Variants in SLCO2A1 observed in about 807,000 individuals in gnomAD.
The protein encoded by SLCO2A1 is solute carrier organic anion transporter family member 2A1, also known as matrin F/G 1.
In SLCO2A1, 60 loss-of-function variants were observed where a neutral mutation model predicts 71.7. The ratio of observed to expected loss-of-function variants is 0.84; its 90% CI spans 0.68 to 1.04. The LOEUF is 1.04. Among genes scored for constraint, SLCO2A1 ranks in the 50% least tolerant of loss-of-function variants. SLCO2A1 has a pLI of 0.00. For synonymous variants in SLCO2A1, 308 were observed against 326.7 expected, an observed-to-expected ratio of 0.94 and a Z score of 0.62; for missense variants, 745 against 813.4, an observed-to-expected ratio of 0.92 and a Z score of 1.02.
chr3:133,980,049 A>G (rs1934552314), intron 1 of SLCO2A1, among the ~76,000 whole-genome samples: 1 of 152,156 alleles, frequency 6.6e-6, no homozygotes, highest in Non-Finnish European at 1.5e-5. Context: ...CATCCAATTC[A>G]GACCACTCTT....
At chr3:134,022,768 G>A (rs1200628318) in intron 1 of SLCO2A1, among the ~76,000 whole-genome samples, 1 of 152,174 alleles carries the variant, frequency 6.6e-6, no homozygotes, top group Non-Finnish European at 1.5e-5. Flanking sequence ...GAGAAGCACT[G>A]TTAAATGCAA....
At chr3:133,948,166 T>C (rs985893447) in intron 8 of SLCO2A1, among the ~76,000 whole-genome samples, 2 of 152,152 alleles carry the variant, frequency 1.3e-5, no homozygotes, top group African/African-American at 4.8e-5. Context: ...CTCAGGTCCC[T>C]AGGGAAGAAG....
chr3:134,006,588 G>T lies in SLCO2A1; in HGVS notation c.96+23119C>A, dbSNP rs901473338. On this transcript the variant is annotated intron_variant, in intron 1 of 13. Transcript: ENST00000310926. ...ATCATACAGTATTTTGTCGTTCTGT[G>T]ACTGGCTTATTTCATTTAGAGTAAT... 1.3e-4 allele frequency among the ~76,000 whole-genome samples: 20 copies of T among 152,118 alleles called. 1 individual carries two copies. Among genetic ancestry groups the T allele is most frequent in the African/African-American group, 4.8e-4 (20 of 41,406 alleles).
At position 133,953,680 on chromosome 3, in the gene SLCO2A1, T is replaced by C. The variant is rs1432053819; in HGVS notation, c.707A>G (p.Tyr236Cys). Residue 236 changes from tyrosine to cysteine, a missense_variant, in exon 5 of 14, where the codon TAT (tyrosine) becomes TGT (cysteine). Coordinates refer to ENST00000310926, the MANE Select transcript of SLCO2A1 (RefSeq NM_005630.3). ...ATACTCACCTGTGTTGACCCTGCCATAGTCCACAAAGATCTGCAGCATGAC... is the reference window on the plus strand; with the variant it reads ...ATACTCACCTGTGTTGACCCTGCCACAGTCCACAAAGATCTGCAGCATGAC... ...GSVMLQIFVDYGRVNTAAVNL... is the reference protein window; with the variant it reads ...GSVMLQIFVDCGRVNTAAVNL... The C allele has an allele frequency of 1.2e-6, 2 of 1,614,054 alleles. No individual in the cohort carries two copies. The highest frequency in any genetic ancestry group is 2.2e-5 in the East Asian group (1 of 44,866).
intron 1 of SLCO2A1, among the ~76,000 whole-genome samples, chr3:134,006,154 T>TCAAG (rs1935210314): frequency 6.6e-6 from 1 of 152,158 alleles, no homozygotes; most frequent in Admixed American, 6.6e-5. Context: ...CCTCCGAGGC[T>TCAAG]CAAGCAATCC....
intron 3 of SLCO2A1, among the ~76,000 whole-genome samples, chr3:133,967,399 T>C (rs566808747): frequency 6.6e-6 from 1 of 152,328 alleles, no homozygotes; most frequent in African/African-American, 2.4e-5. Flanking sequence ...ACCATCACCA[T>C]GGAGCGCAGA....
chr3:134,021,475 T>C (rs1433330794), intron 1 of SLCO2A1, among the ~76,000 whole-genome samples: 1 of 151,994 alleles, frequency 6.6e-6, no homozygotes, highest in African/African-American at 2.4e-5. Context: ...ACATAGACAC[T>C]TGGTTACAGC....
At chr3:133,953,596 G>A (rs772353343) in intron 5 of SLCO2A1, 67 bp downstream of exon 5, 246 of 1,247,932 alleles carry the variant, frequency 2.0e-4, no homozygotes, top group Non-Finnish European at 2.6e-4. Context: ...GTTCTGATTG[G>A]ATGAGGGGGC....
intron 3 of SLCO2A1, among the ~76,000 whole-genome samples, chr3:133,956,269 A>G (rs1933895812): frequency 6.6e-6 from 1 of 151,970 alleles, no homozygotes; most frequent in African/African-American, 2.4e-5. Context: ...TGCTCCTCAC[A>G]CTGGACTCTG....
chr3:133,947,466 G>GTGAT lies in SLCO2A1; in HGVS notation c.1106-25_1106-22dup, dbSNP rs1440472284. ...AGCACCTATAAGTGGAAAGAAGGAG[G>GTGAT]TGATCCAGGTGCACAGGCCTGGGAC... On this transcript the variant is annotated intron_variant, in intron 8 of 13. Coordinates refer to ENST00000310926, the MANE Select transcript of SLCO2A1 (RefSeq NM_005630.3). 4 of 1,571,726 alleles carry GTGAT rather than the reference G, an allele frequency of 2.5e-6. No individual in the cohort carries two copies. In the Admixed American group the frequency reaches 6.9e-5, roughly 27 times the overall value.
intron 1 of SLCO2A1, among the ~76,000 whole-genome samples, chr3:134,008,359 G>T (rs1198894731): frequency 6.6e-6 from 1 of 152,134 alleles, no homozygotes; most frequent in African/African-American, 2.4e-5. Flanking sequence ...TTGATGACAG[G>T]AGGTCAATAA....
rs2075697 is a variant in SLCO2A1 at position 133,933,504 on chromosome 3, C to T, written c.*1209G>A. ...ATATTTGTTGATGAATGACCTCCTTCGTTGGCTTCTGTCTCTCAACATCTA... is the reference window on the plus strand; with the variant it reads ...ATATTTGTTGATGAATGACCTCCTTTGTTGGCTTCTGTCTCTCAACATCTA... On this transcript the variant is annotated 3_prime_UTR_variant, in exon 14 of 14. Coordinates refer to ENST00000310926, the MANE Select transcript of SLCO2A1 (RefSeq NM_005630.3). 9.2e-5 allele frequency: 14 copies of T among 152,368 alleles called. No homozygotes were observed. In the East Asian group the frequency reaches 2.1e-3, roughly 23 times the overall value. 9.4% of individuals were successfully genotyped at this position (152,368 alleles called of 1,614,324 possible). A position where few individuals can be genotyped will look rare whatever the true frequency, so the allele number is the denominator to read the frequency against.
At chr3:133,993,158 G>C (rs1934890237) in intron 1 of SLCO2A1, among the ~76,000 whole-genome samples, 1 of 152,232 alleles carries the variant, frequency 6.6e-6, no homozygotes, top group African/African-American at 2.4e-5. Context: ...CCGCTGACCT[G>C]TGCTCCCCCT....
At chr3:134,029,059 G>A (rs968462004) in intron 1 of SLCO2A1, among the ~76,000 whole-genome samples, 1 of 152,184 alleles carries the variant, frequency 6.6e-6, no homozygotes, top group Non-Finnish European at 1.5e-5. Flanking sequence ...TTCCAGACCA[G>A]GGAAGCCAAT....
At chr3:133,964,334 A>C (rs552952405) in intron 3 of SLCO2A1, among the ~76,000 whole-genome samples, 1 of 152,212 alleles carries the variant, frequency 6.6e-6, no homozygotes, top group African/African-American at 2.4e-5. Context: ...TTCTTATGAG[A>C]ATTAAAAATA....
intron 3 of SLCO2A1, among the ~76,000 whole-genome samples, chr3:133,968,548 T>C (rs1391432154): frequency 6.6e-6 from 1 of 152,248 alleles, no homozygotes. Context: ...AAAGTGACTC[T>C]TCCCTTTCTT....
chr3:134,011,136 C>T (rs568385881), intron 1 of SLCO2A1, among the ~76,000 whole-genome samples: 37 of 152,244 alleles, frequency 2.4e-4, no homozygotes, highest in African/African-American at 7.0e-4. Flanking sequence ...CTGCAACCTC[C>T]GCCTCCTGGG....
rs1438712063 is a variant in SLCO2A1 at position 133,973,666 on chromosome 3, T to C, written c.394A>G (p.Thr132Ala). The C allele has an allele frequency of 5.0e-6, 8 of 1,613,654 alleles. No homozygotes were observed. Among genetic ancestry groups the C allele is most frequent in the Non-Finnish European group, 6.8e-6 (8 of 1,179,994 alleles). The change falls in exon 3 of 14, where the codon ACT (threonine) becomes GCT (alanine). Residue 132 changes from threonine (T) to alanine (A), a missense_variant. Transcript: ENST00000310926. ...GCAGGGGTTGGAAGCCACTCACCAG[T>C]GCTGGCCAAGGTGTACTGGTAGGGC... ...SEPYQYTLASTGNNSRLQAEL... is the reference protein window; with the variant it reads ...SEPYQYTLASAGNNSRLQAEL...
intron 3 of SLCO2A1, among the ~76,000 whole-genome samples, chr3:133,968,549 TC>T (rs1934244152): frequency 1.3e-5 from 2 of 152,198 alleles, no homozygotes; most frequent in African/African-American, 4.8e-5. Context: ...AAGTGACTCT[TC>T]CCTTTCTTTT....
Sources: gnomAD v4.1 joint callset for allele counts (sites outside exome capture counted in the v4.1 genomes callset) on GRCh38, gnomAD v4.1.1 for gene constraint, MANE v1.5 for transcripts, NCBI Gene and HGNC (gene_info 2026-07-23, HGNC 2026-07-21) for gene names.